Variants in IL1RAPL1 observed in about 807,000 individuals in gnomAD.
IL1RAPL1 encodes the protein interleukin-1 receptor accessory protein-like 1.
A neutral mutation model predicts 48.4 loss-of-function variants in IL1RAPL1; 3 were observed. That is an observed-to-expected ratio of 0.06 (90% CI 0.03 to 0.16). The LOEUF (loss-of-function observed/expected upper bound fraction) is 0.16, where lower values mean the gene tolerates loss of function less well. Ranked by LOEUF, IL1RAPL1 falls within the 10% of genes least tolerant of loss-of-function variation. The pLI, the probability that IL1RAPL1 is intolerant of heterozygous loss-of-function variation, is 1.00. For missense variants in IL1RAPL1, 349 were observed against 530.6 expected (o/e 0.66, Z 3.36); for synonymous variants, 185 against 187.7 (o/e 0.99, Z 0.12).
At chrX:28,840,122 A>T (rs1280147696) in intron 2 of IL1RAPL1, among the ~76,000 whole-genome samples, 1 of 110,262 alleles carries the variant, frequency 9.1e-6, no homozygotes, top group Non-Finnish European at 1.9e-5. Flanking sequence ...AAGCAATGGA[A>T]ACAGGCACTT....
intron 5 of IL1RAPL1, among the ~76,000 whole-genome samples, chrX:29,568,105 C>G (rs1922467323): frequency 9.4e-6 from 1 of 106,743 alleles, no homozygotes; most frequent in African/African-American, 3.4e-5. Context: ...GTGCTCCCGA[C>G]CCACTAAGCT....
intron 1 of IL1RAPL1, among the ~76,000 whole-genome samples, chrX:28,657,767 C>T (rs943216880): frequency 3.6e-5 from 4 of 111,892 alleles, no homozygotes; most frequent in African/African-American, 1.3e-4. Context: ...CCCTCTAACC[C>T]TGTCCTTGCT....
chrX:29,372,632 G>T (rs913973083), intron 3 of IL1RAPL1, among the ~76,000 whole-genome samples: 2 of 111,154 alleles, frequency 1.8e-5, no homozygotes, highest in African/African-American at 6.5e-5. Context: ...TTCTGCATAT[G>T]GCTAGCCAGT....
chrX:28,931,221 C>G (rs1273485720), intron 2 of IL1RAPL1, among the ~76,000 whole-genome samples: 2 of 111,797 alleles, frequency 1.8e-5, no homozygotes, highest in Non-Finnish European at 3.8e-5. Context: ...TGGGCACTTT[C>G]TTTCCTCCTG....
chrX:28,768,755 C>CTATATA (rs1207885215), intron 1 of IL1RAPL1, among the ~76,000 whole-genome samples: 530 of 34,643 alleles, frequency 0.015, 3 homozygotes, highest in East Asian at 0.029. Flanking sequence ...CTCTCTCTCT[C>CTATATA]TATATATATA....
chrX:28,697,198 C>T (rs141547696), intron 1 of IL1RAPL1, among the ~76,000 whole-genome samples: 3,175 of 110,506 alleles, frequency 0.029, 115 homozygotes, highest in African/African-American at 0.099. Flanking sequence ...TTTAAATATC[C>T]TGCCAGTTTT....
At chrX:29,154,269 G>A (rs182895071) in intron 2 of IL1RAPL1, among the ~76,000 whole-genome samples, 186 of 111,759 alleles carry the variant, frequency 1.7e-3, no homozygotes, top group African/African-American at 5.7e-3. Flanking sequence ...GCCAGGTGCG[G>A]TGGTTCACTC....
At chrX:29,505,696 G>A (rs1474796620) in intron 5 of IL1RAPL1, among the ~76,000 whole-genome samples, 1 of 111,095 alleles carries the variant, frequency 9.0e-6, no homozygotes, top group East Asian at 2.8e-4. Flanking sequence ...TTGAGAGTTT[G>A]TTGATTATAC....
chrX:29,878,228 A>G lies in IL1RAPL1; in HGVS notation c.779-39236A>G, dbSNP rs184067243. ...TTATAAAGAGCTCTGCACAAACTTA[A>G]GCTTAAACTAACTGGAAAATTAGGA... On this transcript the variant is annotated intron_variant, in intron 6 of 10. Transcript: ENST00000378993. 2.6e-3 allele frequency among the ~76,000 whole-genome samples: 288 copies of G among 111,240 alleles called. 7 individuals carry two copies. The highest frequency in any genetic ancestry group is 0.026 in the Admixed American group (270 of 10,457).
chrX:29,874,249 G>T (rs990184816), intron 6 of IL1RAPL1, among the ~76,000 whole-genome samples: 3 of 111,417 alleles, frequency 2.7e-5, no homozygotes, highest in African/African-American at 9.8e-5. Flanking sequence ...GCCATCTATA[G>T]ACCTTTGTTC....
intron 5 of IL1RAPL1, among the ~76,000 whole-genome samples, chrX:29,545,042 G>T (rs917894064): frequency 1.1e-4 from 12 of 110,237 alleles, no homozygotes; most frequent in African/African-American, 4.0e-4. Context: ...TGCAAGTCAA[G>T]GAGAGAGGCC....
chrX:29,862,969 TAAA>T (rs1206630965), intron 6 of IL1RAPL1, among the ~76,000 whole-genome samples: 2,513 of 61,500 alleles, frequency 0.041, 100 homozygotes, highest in African/African-American at 0.14. Flanking sequence ...TTGGCATACT[TAAA>T]AAAAAAAAAA....
chrX:28,856,383 C>G (rs1921806186), intron 2 of IL1RAPL1, among the ~76,000 whole-genome samples: 1 of 111,906 alleles, frequency 8.9e-6, no homozygotes, highest in Non-Finnish European at 1.9e-5. Flanking sequence ...AAACTTGGAA[C>G]AAAGGAGTTT....
intron 2 of IL1RAPL1, among the ~76,000 whole-genome samples, chrX:29,087,330 G>A (rs1435257055): frequency 3.7e-5 from 4 of 109,083 alleles, no homozygotes; most frequent in Admixed American, 2.0e-4. Context: ...TAGAGACGGG[G>A]TTTCACCATG....
intron 2 of IL1RAPL1, among the ~76,000 whole-genome samples, chrX:29,275,618 C>T (rs1932106523): frequency 8.9e-6 from 1 of 112,179 alleles, no homozygotes; most frequent in African/African-American, 3.2e-5. Context: ...AAATGGAAAA[C>T]AGTTCTGGGT....
At chrX:29,612,932 C>A (rs1263996654) in intron 5 of IL1RAPL1, among the ~76,000 whole-genome samples, 1 of 112,140 alleles carries the variant, frequency 8.9e-6, no homozygotes, top group Non-Finnish European at 1.9e-5. Context: ...TGAGAATAAA[C>A]AAATGAGTAA....
intron 2 of IL1RAPL1, among the ~76,000 whole-genome samples, chrX:29,161,050 A>G (rs184411121): frequency 3.9e-3 from 424 of 107,575 alleles, no homozygotes; most frequent in African/African-American, 0.014. Context: ...GCAAAGCGAG[A>G]CTCTGTCTCA....
intron 2 of IL1RAPL1, among the ~76,000 whole-genome samples, chrX:29,064,737 A>G (rs1927417277): frequency 9.1e-6 from 1 of 110,453 alleles, no homozygotes; most frequent in Admixed American, 9.6e-5. Context: ...GCCCGCCACC[A>G]CACCTGGCTA....
intron 2 of IL1RAPL1, among the ~76,000 whole-genome samples, chrX:28,800,950 C>T (rs985167738): frequency 4.6e-5 from 5 of 108,066 alleles, no homozygotes; most frequent in African/African-American, 6.8e-5. Flanking sequence ...GGTGTGACCT[C>T]GGCTCACTGC....
Sources: gnomAD v4.1 joint callset for allele counts (sites outside exome capture counted in the v4.1 genomes callset) on GRCh38, gnomAD v4.1.1 for gene constraint, MANE v1.5 for transcripts, NCBI Gene and HGNC (gene_info 2026-07-23, HGNC 2026-07-21) for gene names.